Variants in NTRK2 observed in about 807,000 individuals in gnomAD.
NTRK2 encodes the protein neurotrophic receptor tyrosine kinase 2.
A neutral mutation model predicts 94.5 loss-of-function variants in NTRK2; 13 were observed. The observed-to-expected ratio is 0.14, with a 90% confidence interval of 0.09 to 0.22. The LOEUF (loss-of-function observed/expected upper bound fraction) is 0.22, where lower values mean the gene tolerates loss of function less well. Among genes scored for constraint, NTRK2 ranks in the 10% least tolerant of loss-of-function variants. The probability of loss-of-function intolerance (pLI) is 1.00; values close to 1 mark genes in which losing one functional copy is unlikely to be tolerated. For missense variants in NTRK2, 639 were observed against 1,071.2 expected, an observed-to-expected ratio of 0.60 and a Z score of 5.63; for synonymous variants, 372 against 407.4, an observed-to-expected ratio of 0.91 and a Z score of 1.05.
intron 14 of NTRK2, among the ~76,000 whole-genome samples, chr9:84,918,149 T>C (rs1372146769): frequency 6.6e-6 from 1 of 152,212 alleles, no homozygotes; most frequent in East Asian, 1.9e-4. Flanking sequence ...ACAGTTTTCA[T>C]TCATTCATTC....
At position 84,670,584 on chromosome 9, in the gene NTRK2, G is replaced by T; in HGVS notation, c.-165G>T. On this transcript the variant is annotated 5_prime_UTR_variant, in exon 2 of 19. Coordinates refer to ENST00000277120, the MANE Select transcript of NTRK2 (RefSeq NM_006180.6). ...CCTGCCGCCTGCCGGAACACTCTTC[G>T]CTCCGGACCAGCTCAGCCTCTGATA... The T allele has an allele frequency of 5.6e-6, 4 of 713,324 alleles. No homozygotes were observed. The highest frequency in any genetic ancestry group is 1.7e-5 in the South Asian group (1 of 60,036). 44.2% of individuals were successfully genotyped at this position (713,324 alleles called of 1,614,324 possible).
intron 17 of NTRK2, among the ~76,000 whole-genome samples, chr9:85,006,230 C>T (rs1445697878): frequency 1.3e-5 from 2 of 152,200 alleles, no homozygotes; most frequent in African/African-American, 4.8e-5. Flanking sequence ...GGGAGTTTGG[C>T]AAGAGGGAAG....
chr9:84,776,832 A>T (rs2132947242), intron 12 of NTRK2, among the ~76,000 whole-genome samples: 1 of 152,302 alleles, frequency 6.6e-6, no homozygotes, highest in Non-Finnish European at 1.5e-5. Flanking sequence ...ATGGACAGTA[A>T]TTATGCCTGC....
At chr9:84,706,523 T>TTTC (rs2061088970) in intron 4 of NTRK2, among the ~76,000 whole-genome samples, 1 of 108,840 alleles carries the variant, frequency 9.2e-6, no homozygotes, top group Non-Finnish European at 1.8e-5. Flanking sequence ...TATTTTTTGT[T>TTTC]TTTGTTTTTT....
intron 12 of NTRK2, among the ~76,000 whole-genome samples, chr9:84,802,603 T>C (rs1588702443): frequency 6.6e-6 from 1 of 152,222 alleles, no homozygotes; most frequent in Admixed American, 6.5e-5. Flanking sequence ...CAGCAGAGGC[T>C]TCTAGAACTG....
intron 17 of NTRK2, among the ~76,000 whole-genome samples, chr9:84,981,107 GTC>G (rs996901516): frequency 6.6e-6 from 1 of 152,098 alleles, no homozygotes; most frequent in Non-Finnish European, 1.5e-5. Flanking sequence ...TTTTGAGTCA[GTC>G]TCTCTCTATT....
At position 84,742,789 on chromosome 9, in the gene NTRK2, G is replaced by GTTTTTT. The variant is rs757253032; in HGVS notation, c.1195+884_1195+889dup. Among the ~76,000 whole-genome samples, 34 of 103,678 alleles carry GTTTTTT rather than the reference G, an allele frequency of 3.3e-4. 1 individual carries two copies. Among genetic ancestry groups the GTTTTTT allele is most frequent in the South Asian group, 1.1e-3 (3 of 2,796 alleles). The allele number at this position is 103,678 out of a possible 152,430, so 68.0% of individuals were successfully genotyped here. On this transcript the variant is annotated intron_variant, in intron 10 of 18. Coordinates refer to ENST00000277120, the MANE Select transcript of NTRK2 (RefSeq NM_006180.6). ...AAAGAAACCAAAGTCCATTATATTA[G>GTTTTTT]TTTTTTTTTTTTTTTTTTTTTTTTT...
intron 12 of NTRK2, among the ~76,000 whole-genome samples, chr9:84,857,268 C>G (rs893598472): frequency 6.6e-6 from 1 of 152,148 alleles, no homozygotes. Flanking sequence ...AATTTAGAGT[C>G]TTTCTTGGTC....
chr9:84,806,509 T>C (rs2071130749), intron 12 of NTRK2, among the ~76,000 whole-genome samples: 1 of 152,140 alleles, frequency 6.6e-6, no homozygotes, highest in Non-Finnish European at 1.5e-5. Context: ...AATTTATATA[T>C]GGGGAGATTT....
At chr9:85,010,949 C>A (rs1209927421) in intron 17 of NTRK2, among the ~76,000 whole-genome samples, 2 of 151,978 alleles carry the variant, frequency 1.3e-5, no homozygotes, top group Non-Finnish European at 2.9e-5. Flanking sequence ...TGGGAGGTAA[C>A]CTGAAGCAAC....
intron 2 of NTRK2, among the ~76,000 whole-genome samples, chr9:84,684,318 T>C (rs2059580524): frequency 6.6e-6 from 1 of 152,254 alleles, no homozygotes; most frequent in Admixed American, 6.5e-5. Context: ...AGGGTTTTTA[T>C]GGTTTTGGGT....
chr9:84,776,324 C>T (rs995786863), intron 12 of NTRK2, among the ~76,000 whole-genome samples: 5 of 152,232 alleles, frequency 3.3e-5, no homozygotes, highest in East Asian at 1.9e-4. Context: ...CAGGTTCAAG[C>T]GATTCTTATG....
chr9:84,734,553 G>T (rs543276659), intron 9 of NTRK2, among the ~76,000 whole-genome samples: 9 of 152,236 alleles, frequency 5.9e-5, no homozygotes, highest in Non-Finnish European at 5.9e-5. Flanking sequence ...TAGCTCCCAT[G>T]ATTTCCACGT....
intron 12 of NTRK2, among the ~76,000 whole-genome samples, chr9:84,762,482 C>G (rs1244310898): frequency 1.3e-5 from 2 of 152,160 alleles, no homozygotes; most frequent in Non-Finnish European, 1.5e-5. Context: ...TTACTTGTAG[C>G]CTTTCCTCTA....
chr9:84,730,592 T>C (rs2062780692), intron 9 of NTRK2, among the ~76,000 whole-genome samples: 1 of 140,386 alleles, frequency 7.1e-6, no homozygotes, highest in African/African-American at 2.9e-5. Context: ...TACAAAAAAT[T>C]AGCCGGGCGT....
chr9:84,976,759 T>C (rs1826914484), intron 17 of NTRK2, among the ~76,000 whole-genome samples: 1 of 152,080 alleles, frequency 6.6e-6, no homozygotes, highest in Non-Finnish European at 1.5e-5. Flanking sequence ...ACTAGAGAAC[T>C]CTGTTAGCAA....
intron 17 of NTRK2, among the ~76,000 whole-genome samples, chr9:85,014,708 T>C (rs1320654381): frequency 6.6e-6 from 1 of 152,252 alleles, no homozygotes; most frequent in Non-Finnish European, 1.5e-5. Flanking sequence ...TGATTTCTAA[T>C]GCAAGATATT....
At chr9:84,711,633 C>T (rs1053958879) in intron 6 of NTRK2, among the ~76,000 whole-genome samples, 2 of 152,216 alleles carry the variant, frequency 1.3e-5, no homozygotes, top group Non-Finnish European at 2.9e-5. Flanking sequence ...AGCCATGTAG[C>T]ACCTGGTTCT....
intron 15 of NTRK2, among the ~76,000 whole-genome samples, chr9:84,940,896 G>A: frequency 6.6e-6 from 1 of 152,094 alleles, no homozygotes. Context: ...TAATTGTGAA[G>A]TCCTTCTCCC....
Sources: allele counts gnomAD v4.1 joint callset (sites outside exome capture counted in the v4.1 genomes callset), GRCh38; gene constraint gnomAD v4.1.1; transcripts MANE v1.5; gene names NCBI Gene and HGNC (gene_info 2026-07-23, HGNC 2026-07-21).